The following CSMD1 variants were observed in gnomAD, a reference collection of about 807,000 sequenced individuals.
The protein encoded by CSMD1 is CUB and sushi domain-containing protein 1.
Under a neutral mutation model 417.5 loss-of-function variants are expected in CSMD1, and 213 were observed. The ratio of observed to expected loss-of-function variants is 0.51; its 90% CI spans 0.46 to 0.57. The LOEUF is 0.57. CSMD1 is among the 20% of genes least tolerant of loss of function. The pLI is 0.00. For missense variants in CSMD1, 6,923 were observed against 4,529.7 expected, an observed-to-expected ratio of 1.53 and a Z score of -15.17; for synonymous variants, 2,862 against 1,736.8, an observed-to-expected ratio of 1.65 and a Z score of -16.11.
chr8:3,173,886 T>C (rs993011703), intron 37 of CSMD1, among the ~76,000 whole-genome samples: 4 of 152,216 alleles, frequency 2.6e-5, no homozygotes, highest in African/African-American at 9.6e-5. Flanking sequence ...TAGGGGCTAA[T>C]CCAAGTTATC....
At chr8:4,902,626 T>C (rs1804961522) in intron 1 of CSMD1, among the ~76,000 whole-genome samples, 1 of 152,240 alleles carries the variant, frequency 6.6e-6, no homozygotes, top group South Asian at 2.1e-4. Flanking sequence ...ATTTTGATTA[T>C]CTATTTAACT....
At chr8:4,027,181 A>C (rs1797106843) in intron 4 of CSMD1, among the ~76,000 whole-genome samples, 2 of 152,194 alleles carry the variant, frequency 1.3e-5, no homozygotes, top group East Asian at 1.9e-4. Flanking sequence ...CGACGAGGTA[A>C]GAAGCATATA....
Position 4,765,741 on chromosome 8 carries a change from G to A in CSMD1, c.86-128183C>T, listed in dbSNP as rs115503854. On this transcript the variant is annotated intron_variant, in intron 1 of 69. Coordinates refer to ENST00000635120, the MANE Select transcript of CSMD1 (RefSeq NM_033225.6). ...GCAGGCATCAAGAGGAGGAATTTTA[G>A]TTGGGGTTTAAATTATTGGGATAAT... 4.8e-3 allele frequency among the ~76,000 whole-genome samples: 724 copies of A among 152,278 alleles called. 8 individuals are homozygous for A. Among genetic ancestry groups the A allele is most frequent in the African/African-American group, 0.017 (694 of 41,570 alleles).
chr8:4,959,419 G>A (rs140956360), intron 1 of CSMD1, among the ~76,000 whole-genome samples: 40 of 152,242 alleles, frequency 2.6e-4, no homozygotes, highest in African/African-American at 9.2e-4. Context: ...CTGGACACAA[G>A]TGAGGAAAGC....
chr8:3,290,078 T>C lies in CSMD1; in HGVS notation c.3951-5732A>G, dbSNP rs1029512702. Among the ~76,000 whole-genome samples, 2 of 147,158 alleles carry C rather than the reference T, an allele frequency of 1.4e-5. 1 individual carries two copies. Among genetic ancestry groups the C allele is most frequent in the African/African-American group, 5.4e-5 (2 of 36,994 alleles). On this transcript the variant is annotated intron_variant, in intron 25 of 69. Coordinates refer to ENST00000635120, the MANE Select transcript of CSMD1 (RefSeq NM_033225.6). ...AGTTTTCCCAGCACCATTTATTAAA[T>C]AGGGAATGCTTTCCCCATTGCTTGT...
intron 3 of CSMD1, among the ~76,000 whole-genome samples, chr8:4,266,938 A>G (rs1504760): frequency 0.71 from 72,859 of 102,412 alleles, 31,780 homozygotes; most frequent in Non-Finnish European, 0.81. Context: ...ATTTAGTAAA[A>G]TATCTATTAT....
At chr8:3,849,394 A>G (rs953666409) in intron 5 of CSMD1, among the ~76,000 whole-genome samples, 7 of 152,126 alleles carry the variant, frequency 4.6e-5, no homozygotes, top group African/African-American at 1.7e-4. Context: ...GGCGCCAAGG[A>G]AGGACGGACG....
chr8:4,980,130 C>A (rs1268091475), intron 1 of CSMD1, among the ~76,000 whole-genome samples: 1 of 152,228 alleles, frequency 6.6e-6, no homozygotes, highest in East Asian at 1.9e-4. Flanking sequence ...ACTTCCTATA[C>A]AAAGCAATAA....
At chr8:3,189,221 G>C (rs1454314674) in intron 34 of CSMD1, among the ~76,000 whole-genome samples, 4 of 152,180 alleles carry the variant, frequency 2.6e-5, no homozygotes, top group African/African-American at 9.7e-5. Flanking sequence ...CTCAGTTATA[G>C]ATCTTGAGTC....
At chr8:4,923,155 C>T (rs12550122) in intron 1 of CSMD1, among the ~76,000 whole-genome samples, 40,402 of 152,066 alleles carry the variant, frequency 0.27, 6,929 homozygotes, top group Non-Finnish European at 0.39. Context: ...ATATATAATA[C>T]CATCAATTTT....
intron 3 of CSMD1, among the ~76,000 whole-genome samples, chr8:4,227,297 G>C (rs1035020239): frequency 6.6e-6 from 1 of 152,056 alleles, no homozygotes; most frequent in Non-Finnish European, 1.5e-5. Context: ...GGTCTGCCTT[G>C]GGGGCTGTCG....
intron 3 of CSMD1, among the ~76,000 whole-genome samples, chr8:4,179,597 G>C (rs1380690705): frequency 4.0e-5 from 6 of 151,682 alleles, no homozygotes; most frequent in Non-Finnish European, 8.8e-5. Flanking sequence ...TTAAACTATA[G>C]AGCTTCTGCA....
chr8:4,324,474 A>T (rs1200289880), intron 3 of CSMD1, among the ~76,000 whole-genome samples: 1 of 152,190 alleles, frequency 6.6e-6, no homozygotes, highest in East Asian at 1.9e-4. Context: ...TTCTTTTCTG[A>T]AATCTTCTTG....
chr8:4,295,316 G>C (rs1416444365), intron 3 of CSMD1, among the ~76,000 whole-genome samples: 1 of 110,192 alleles, frequency 9.1e-6, no homozygotes, highest in Non-Finnish European at 2.1e-5. Context: ...ATAATCTTAA[G>C]ATTATGCACA....
intron 3 of CSMD1, among the ~76,000 whole-genome samples, chr8:4,088,584 C>A (rs188071840): frequency 1.4e-3 from 214 of 152,220 alleles, no homozygotes; most frequent in Non-Finnish European, 2.4e-3. Flanking sequence ...TGAGACTATA[C>A]CTCCCACATG....
chr8:4,001,854 G>C (rs532783706), intron 4 of CSMD1, among the ~76,000 whole-genome samples: 3 of 151,602 alleles, frequency 2.0e-5, no homozygotes, highest in African/African-American at 7.3e-5. Context: ...AAATAGAAAA[G>C]TCAAATAAAA....
At chr8:4,542,931 C>A (rs1325719400) in intron 2 of CSMD1, among the ~76,000 whole-genome samples, 1 of 152,050 alleles carries the variant, frequency 6.6e-6, no homozygotes, top group African/African-American at 2.4e-5. Context: ...TTCAGGGCAC[C>A]TGCCTCCATA....
At chr8:4,552,389 G>C (rs907422606) in intron 2 of CSMD1, among the ~76,000 whole-genome samples, 16 of 151,592 alleles carry the variant, frequency 1.1e-4, no homozygotes, top group Admixed American at 9.2e-4. Flanking sequence ...CTCAAATCCC[G>C]AATCCTGTCT....
chr8:3,140,216 T>G (rs1227192184), intron 41 of CSMD1, among the ~76,000 whole-genome samples: 1 of 152,140 alleles, frequency 6.6e-6, no homozygotes, highest in Non-Finnish European at 1.5e-5. Flanking sequence ...CGATTACCCT[T>G]AAGTAGGAGG....
Sources: allele counts gnomAD v4.1 joint callset (sites outside exome capture counted in the v4.1 genomes callset), GRCh38; gene constraint gnomAD v4.1.1; transcripts MANE v1.5; gene names NCBI Gene and HGNC (gene_info 2026-07-23, HGNC 2026-07-21).